The following F13A1 variants were observed in gnomAD, a reference collection of about 807,000 sequenced individuals.
F13A1 encodes coagulation factor XIII A chain.
A neutral mutation model predicts 80.1 loss-of-function variants in F13A1; 47 were observed. The observed-to-expected ratio is 0.59, with a 90% CI of 0.46 to 0.75. F13A1 has a LOEUF of 0.75. F13A1 is among the 30% of genes least tolerant of loss of function. The probability of loss-of-function intolerance (pLI) is 0.00; values close to 1 mark genes in which losing one functional copy is unlikely to be tolerated. For synonymous variants in F13A1, 349 were observed against 344.9 expected, an observed-to-expected ratio of 1.01 and a Z score of -0.13; for missense variants, 817 against 930.4, an observed-to-expected ratio of 0.88 and a Z score of 1.59.
At chr6:6,291,203 A>G (rs1450665118) in intron 3 of F13A1, among the ~76,000 whole-genome samples, 1 of 151,982 alleles carries the variant, frequency 6.6e-6, no homozygotes. Context: ...CTCTTTCTCG[A>G]CAACCTTGGA....
intron 8 of F13A1, among the ~76,000 whole-genome samples, chr6:6,203,727 G>A (rs576641763): frequency 6.6e-6 from 1 of 152,232 alleles, no homozygotes; most frequent in East Asian, 1.9e-4. Flanking sequence ...GATAAGTTGT[G>A]TTTTTTTAAG....
At chr6:6,262,268 G>T (rs1757786731) in intron 4 of F13A1, among the ~76,000 whole-genome samples, 1 of 152,092 alleles carries the variant, frequency 6.6e-6, no homozygotes, top group Non-Finnish European at 1.5e-5. Flanking sequence ...ATTCTGATGT[G>T]CTCCAAGCGT....
chr6:6,224,282 T>C (rs1426834238), intron 7 of F13A1, among the ~76,000 whole-genome samples: 2 of 152,204 alleles, frequency 1.3e-5, no homozygotes, highest in African/African-American at 2.4e-5. Flanking sequence ...TAAATACGCA[T>C]ATTTATACAA....
intron 6 of F13A1, among the ~76,000 whole-genome samples, chr6:6,244,404 T>A (rs1233579113): frequency 6.6e-6 from 1 of 152,200 alleles, no homozygotes. Flanking sequence ...TATAGCTTGG[T>A]AAAATGCACC....
chr6:6,158,854 C>T (rs923189998), intron 13 of F13A1, among the ~76,000 whole-genome samples: 2 of 151,704 alleles, frequency 1.3e-5, no homozygotes, highest in Admixed American at 6.6e-5. Context: ...CTGTCATGTA[C>T]TTTGTTTGGG....
At chr6:6,186,056 T>A (rs1316536474) in intron 10 of F13A1, among the ~76,000 whole-genome samples, 1 of 151,452 alleles carries the variant, frequency 6.6e-6, no homozygotes, top group Non-Finnish European at 1.5e-5. Context: ...TTCACCCACT[T>A]TTTGATGGGG....
At chr6:6,173,404 C>CTTTTTT (rs1401906503) in intron 12 of F13A1, among the ~76,000 whole-genome samples, 2 of 144,054 alleles carry the variant, frequency 1.4e-5, no homozygotes, top group African/African-American at 2.6e-5. Flanking sequence ...AGCCTCCATT[C>CTTTTTT]TTTTCTTTTT....
intron 3 of F13A1, among the ~76,000 whole-genome samples, chr6:6,295,173 T>G (rs1255265181): frequency 6.8e-6 from 1 of 146,752 alleles, no homozygotes; most frequent in Non-Finnish European, 1.5e-5. Context: ...GTTCCAAGTC[T>G]TTGCTATTGT....
intron 13 of F13A1, among the ~76,000 whole-genome samples, chr6:6,160,138 G>A (rs188236486): frequency 3.3e-5 from 5 of 151,610 alleles, no homozygotes; most frequent in Non-Finnish European, 7.4e-5. Flanking sequence ...TTATCTGGGC[G>A]TGGTGGTGGG....
rs935025865 is a variant in F13A1, at chr6:6,197,095, T to C, written c.1216+128A>G. 1.1e-4 allele frequency: 88 copies of C among 787,400 alleles called. 1 individual carries two copies. The East Asian group carries it at 2.3e-3, about 20-fold the overall frequency. 48.8% of individuals were successfully genotyped at this position (787,400 alleles called of 1,614,324 possible). A position where few individuals can be genotyped will look rare whatever the true frequency, so the allele number is the denominator to read the frequency against. On this transcript the variant is annotated intron_variant, in intron 9 of 14. Coordinates refer to ENST00000264870, the MANE Select transcript of F13A1 (RefSeq NM_000129.4). Reference sequence around the variant, plus strand: ...ATTGGAAGGTAGCTAATACTGTACATGTGCCCAGGAAGCACACTTCAGATG... The same window carrying C: ...ATTGGAAGGTAGCTAATACTGTACACGTGCCCAGGAAGCACACTTCAGATG...
intron 3 of F13A1, among the ~76,000 whole-genome samples, chr6:6,272,329 T>G (rs1407482952): frequency 6.6e-6 from 1 of 152,214 alleles, no homozygotes; most frequent in Non-Finnish European, 1.5e-5. Flanking sequence ...TGGTTGAATA[T>G]TGTTCCTAAT....
rs140712764 is a variant in F13A1, at chr6:6,266,621, C to T, written c.508G>A (p.Val170Ile). The T allele has an allele frequency of 1.0e-4, 164 of 1,614,170 alleles. No homozygotes were observed. The highest frequency in any genetic ancestry group is 6.9e-4 in the African/African-American group (52 of 75,032). ...TCTGGGTTTCGACTGGTTCGAAGTA[C>T]GCCATAGGGAGTCCAGACAGCAACA... is the stretch of plus-strand genomic sequence containing the variant. ...MYVAVWTPYG[V>I]LRTSRNPETD... is the part of the protein sequence containing the mutation. Residue 170 changes from valine to isoleucine, a missense_variant, in exon 4 of 15, where the codon GTA becomes ATA. Coordinates refer to ENST00000264870, the MANE Select transcript of F13A1 (RefSeq NM_000129.4).
chr6:6,205,687 T>C (rs1004744231), intron 8 of F13A1, among the ~76,000 whole-genome samples: 1 of 152,234 alleles, frequency 6.6e-6, no homozygotes, highest in East Asian at 1.9e-4. Context: ...CCTTTCATTT[T>C]TCCCCATGGT....
intron 8 of F13A1, among the ~76,000 whole-genome samples, chr6:6,201,388 G>C (rs763852068): frequency 1.1e-4 from 16 of 152,220 alleles, no homozygotes; most frequent in Non-Finnish European, 2.1e-4. Flanking sequence ...CTTGCAGGCA[G>C]TGGGTGAGGT....
At chr6:6,186,709 C>CT (rs1159782252) in intron 10 of F13A1, among the ~76,000 whole-genome samples, 2 of 152,082 alleles carry the variant, frequency 1.3e-5, no homozygotes, top group African/African-American at 4.8e-5. Flanking sequence ...GATGCAGGCT[C>CT]TTTTTTTGCT....
chr6:6,161,551 T>TGTGTGTGTGTGTGTGTGTGTGTGA (rs1010361754), intron 13 of F13A1, among the ~76,000 whole-genome samples: 134 of 146,368 alleles, frequency 9.2e-4, no homozygotes, highest in African/African-American at 3.1e-3. Flanking sequence ...TGTGTGTGTG[T>TGTGTGTGTGTGTGTGTGTGTGTGA]GAGAGAGAGA....
At chr6:6,181,560 A>G (rs1333419040) in intron 11 of F13A1, among the ~76,000 whole-genome samples, 3 of 152,366 alleles carry the variant, frequency 2.0e-5, no homozygotes, top group East Asian at 1.9e-4. Context: ...TTCCATGATA[A>G]TGTAATAGAA....
Position 6,151,936 on chromosome 6 carries a change from T to C in F13A1, c.1922A>G (p.Gln641Arg), listed in dbSNP as rs759223840. The C allele has an allele frequency of 1.9e-5, 30 of 1,614,076 alleles. No individual in the cohort carries two copies. The highest frequency in any genetic ancestry group is 2.5e-5 in the Non-Finnish European group (30 of 1,179,946). Residue 641 changes from glutamine to arginine, a missense_variant, in exon 14 of 15, where the codon CAG (glutamine) becomes CGG (arginine). Gln to Arg is a conservative substitution (Grantham distance 43). Transcript: ENST00000264870. ...PEIIIKVRGT[Q>R]VVGSDMTVTV... ...CACAGTCATGTCAGAACCAACTACC[T>C]GAGTGCCACGGACCTAAGAGAGAGA...
chr6:6,212,038 A>T (rs1761626003), intron 8 of F13A1, among the ~76,000 whole-genome samples: 1 of 152,234 alleles, frequency 6.6e-6, no homozygotes, highest in Non-Finnish European at 1.5e-5. Context: ...ATGCCCACGG[A>T]GTCTCGCTGA....
Sources: allele counts gnomAD v4.1 joint callset (sites outside exome capture counted in the v4.1 genomes callset), GRCh38; gene constraint gnomAD v4.1.1; transcripts MANE v1.5; gene names NCBI Gene and HGNC (gene_info 2026-07-23, HGNC 2026-07-21).